The following MROH2B variants were observed in gnomAD, a reference collection of about 807,000 sequenced individuals.
The protein encoded by MROH2B is maestro heat like repeat family member 2B.
MROH2B carries 177 observed loss-of-function variants against 208.6 expected under a neutral mutation model. The observed-to-expected ratio is 0.85, with a 90% CI of 0.75 to 0.96. The LOEUF is 0.96. MROH2B is among the 40% of genes least tolerant of loss of function. The probability of loss-of-function intolerance (pLI) is 0.00; values close to 1 mark genes in which losing one functional copy is unlikely to be tolerated. For missense variants in MROH2B, 2,002 were observed against 1,878.7 expected (o/e 1.07, Z -1.21); for synonymous variants, 728 against 659.0 (o/e 1.10, Z -1.60).
intron 11 of MROH2B, among the ~76,000 whole-genome samples, chr5:41,053,053 T>G (rs1743334593): frequency 6.6e-6 from 1 of 152,186 alleles, no homozygotes; most frequent in Non-Finnish European, 1.5e-5. Flanking sequence ...TCTTTCTCCT[T>G]GGCTCTCAAA....
intron 18 of MROH2B, among the ~76,000 whole-genome samples, chr5:41,043,376 A>G (rs1158943239): frequency 6.6e-6 from 1 of 152,226 alleles, no homozygotes; most frequent in Non-Finnish European, 1.5e-5. Flanking sequence ...TGTACAATAC[A>G]GAAGTAAATA....
chr5:41,018,609 GA>G (rs1742036196), intron 26 of MROH2B, 81 bp downstream of exon 26: 1 of 1,530,278 alleles, frequency 6.5e-7, no homozygotes, highest in Non-Finnish European at 9.0e-7. Context: ...TTCATGTAAG[GA>G]AAATGCAGTA....
chr5:41,019,955 A>AT (rs1025860970), intron 24 of MROH2B, among the ~76,000 whole-genome samples: 15 of 151,210 alleles, frequency 9.9e-5, no homozygotes, highest in East Asian at 3.9e-4. Flanking sequence ...ATGATACTCT[A>AT]TTTTTTTTTC....
Position 41,018,872 on chromosome 5 carries a change from C to A in MROH2B, c.2577+11G>T. The A allele has an allele frequency of 6.2e-7, 1 of 1,613,876 alleles. No individual in the cohort carries two copies. Among genetic ancestry groups the A allele is most frequent in the Non-Finnish European group, 8.5e-7 (1 of 1,179,858 alleles). ...AGACTGTCATCCTACTTAGGCCTCA[C>A]TAGTGCATACTTGAATGTGCTCCTT... is the stretch of plus-strand genomic sequence containing the variant. On this transcript the variant is annotated intron_variant, in intron 25 of 41. Transcript: ENST00000399564.
At chr5:41,059,363 C>T (rs1377402356) in intron 6 of MROH2B, among the ~76,000 whole-genome samples, 3 of 152,086 alleles carry the variant, frequency 2.0e-5, no homozygotes, top group African/African-American at 7.2e-5. Flanking sequence ...TGGATAAACA[C>T]TGGTATATTT....
At chr5:41,054,865 G>A (rs1036046620) in intron 10 of MROH2B, 25 bp from the exon 11 acceptor site, 1 of 1,537,846 alleles carries the variant, frequency 6.5e-7, no homozygotes, top group South Asian at 1.1e-5. Context: ...GAGAAATTGA[G>A]AGGCCTGACT....
At chr5:41,009,452 G>T in intron 31 of MROH2B, 46 bp from the exon 32 acceptor site, 2 of 1,598,812 alleles carry the variant, frequency 1.3e-6, no homozygotes, top group Non-Finnish European at 1.7e-6. Context: ...ACAACCCCTC[G>T]GGCTGTAAGC....
At chr5:41,052,407 T>C in intron 12 of MROH2B, 58 bp downstream of exon 12, 1 of 1,455,786 alleles carries the variant, frequency 6.9e-7, no homozygotes, top group Non-Finnish European at 9.1e-7. Flanking sequence ...AAAAGAAACA[T>C]AGTTGAGCGA....
At chr5:41,063,129 C>T (rs1743692560) in intron 5 of MROH2B, among the ~76,000 whole-genome samples, 1 of 152,096 alleles carries the variant, frequency 6.6e-6, no homozygotes, top group South Asian at 2.1e-4. Context: ...ACAGAGAATT[C>T]CCTTAGTAAT....
chr5:41,032,057 G>T (rs325827), intron 24 of MROH2B, among the ~76,000 whole-genome samples: 24,586 of 152,082 alleles, frequency 0.16, 2,093 homozygotes, highest in East Asian at 0.26. Context: ...TGTCTTCACA[G>T]TAGAGCTATT....
intron 21 of MROH2B, 190 bp from the exon 22 acceptor site, chr5:41,034,054 C>T (rs1014730577): frequency 3.0e-6 from 3 of 984,860 alleles, no homozygotes; most frequent in East Asian, 1.1e-4. Context: ...AGACCTTGTA[C>T]ATTTGCAGAG....
At chr5:41,011,500 A>G (rs1167599989) in intron 30 of MROH2B, among the ~76,000 whole-genome samples, 1 of 152,194 alleles carries the variant, frequency 6.6e-6, no homozygotes, top group Non-Finnish European at 1.5e-5. Flanking sequence ...GTTTTCAAAA[A>G]CACTTATTGA....
intron 24 of MROH2B, among the ~76,000 whole-genome samples, chr5:41,019,386 GA>G (rs1742070913): frequency 6.6e-6 from 1 of 152,080 alleles, no homozygotes; most frequent in Non-Finnish European, 1.5e-5. Context: ...GATAGAGAGA[GA>G]TATGTATCTC....
chr5:41,006,422 C>T (rs2111815164), intron 34 of MROH2B, among the ~76,000 whole-genome samples: 1 of 152,310 alleles, frequency 6.6e-6, no homozygotes, highest in South Asian at 2.1e-4. Flanking sequence ...CTATGGAAAA[C>T]AGTGGAGCTT....
chr5:41,004,911 C>T lies in MROH2B; in HGVS notation c.3874G>A (p.Glu1292Lys). ...GAAFFSELMK[E>K]PILWKHGNLR... is the part of the protein sequence containing the mutation. ...TTCCCATGCTTCCAAAGGATTGGTT[C>T]CTTCATGAGCTGAAATAATCAACAC... The change falls in exon 36 of 42, where the codon GAA (glutamate) becomes AAA (lysine). Residue 1292 changes from glutamate to lysine, a missense_variant. Glu to Lys is a moderately conservative substitution (Grantham distance 56). Transcript: ENST00000399564. 1 of 1,613,702 alleles carries T rather than the reference C, an allele frequency of 6.2e-7. No individual in the cohort carries two copies. Among genetic ancestry groups the T allele is most frequent in the Non-Finnish European group, 8.5e-7 (1 of 1,179,786 alleles).
intron 34 of MROH2B, among the ~76,000 whole-genome samples, chr5:41,007,018 A>T (rs957491834): frequency 6.6e-6 from 1 of 152,208 alleles, no homozygotes; most frequent in East Asian, 1.9e-4. Flanking sequence ...AAAGCTGATT[A>T]AAAAAAGTTC....
At chr5:41,024,949 G>A (rs578161766) in intron 24 of MROH2B, among the ~76,000 whole-genome samples, 52 of 152,260 alleles carry the variant, frequency 3.4e-4, no homozygotes, top group African/African-American at 8.9e-4. Context: ...GGTACATAAC[G>A]AAATGAAGGC....
chr5:41,065,581 G>T, intron 3 of MROH2B, 91 bp from the exon 4 acceptor site: 1 of 1,004,034 alleles, frequency 1.0e-6, no homozygotes, highest in Non-Finnish European at 1.4e-6. Context: ...ATTTATATAT[G>T]CATTTATTTA....
chr5:41,054,393 T>C (rs953383326), intron 11 of MROH2B, among the ~76,000 whole-genome samples: 2 of 152,210 alleles, frequency 1.3e-5, no homozygotes, highest in Non-Finnish European at 2.9e-5. Flanking sequence ...GTTTAGGGAT[T>C]AATATTTCCT....
Sources: gnomAD v4.1 joint callset for allele counts (sites outside exome capture counted in the v4.1 genomes callset) on GRCh38, gnomAD v4.1.1 for gene constraint, MANE v1.5 for transcripts, NCBI Gene and HGNC (gene_info 2026-07-23, HGNC 2026-07-21) for gene names.